Variants in TC2N observed in about 807,000 individuals in gnomAD.
TC2N encodes the protein tandem C2 domains nuclear protein.
TC2N carries 51 observed loss-of-function variants against 61.9 expected under a neutral mutation model. The observed-to-expected ratio is 0.82, with a 90% CI of 0.66 to 1.04. The LOEUF is 1.04. Among genes scored for constraint, TC2N ranks in the 50% least tolerant of loss-of-function variants. TC2N has a pLI of 0.00. For missense variants in TC2N, 556 were observed against 566.7 expected (o/e 0.98, Z 0.19); for synonymous variants, 204 against 192.6 (o/e 1.06, Z -0.49).
chr14:91,827,504 T>C (rs748120752), intron 1 of TC2N, among the ~76,000 whole-genome samples: 2 of 152,302 alleles, frequency 1.3e-5, no homozygotes, highest in Admixed American at 1.3e-4. Flanking sequence ...CCTGCTACCA[T>C]TGTTACATCT....
intron 1 of TC2N, among the ~76,000 whole-genome samples, chr14:91,833,483 ATAAT>A (rs1375310223): frequency 6.6e-6 from 1 of 152,180 alleles, no homozygotes; most frequent in African/African-American, 2.4e-5. Context: ...TTTAAAATGT[ATAAT>A]TAAATGAGTG....
At chr14:91,836,626 A>AAAGCGGGGAG (rs1409549726) in intron 1 of TC2N, 1 of 141,638 alleles carries the variant, frequency 7.1e-6, no homozygotes, top group African/African-American at 2.6e-5. Context: ...GGGGCGAGGC[A>AAAGCGGGGAG]GGGCGGGGCA....
intron 4 of TC2N, among the ~76,000 whole-genome samples, chr14:91,801,481 C>T (rs1192091952): frequency 1.3e-5 from 2 of 152,118 alleles, no homozygotes; most frequent in African/African-American, 2.4e-5. Flanking sequence ...TGGCAAAACC[C>T]CATCTCTACA....
chr14:91,829,333 T>C (rs1566782785), intron 1 of TC2N, among the ~76,000 whole-genome samples: 1 of 152,148 alleles, frequency 6.6e-6, no homozygotes, highest in South Asian at 2.1e-4. Flanking sequence ...CTCACTCTGA[T>C]CACTCTAATT....
At position 91,817,971 on chromosome 14, in the gene TC2N, T is replaced by C. The variant is rs976604481; in HGVS notation, c.-56-4146A>G. Reference sequence around the variant, plus strand: ...TTTATCCTACCACCTGAAAAGCAAATAAAATATATGGAACAGCAATTTTCA... The same window carrying C: ...TTTATCCTACCACCTGAAAAGCAAACAAAATATATGGAACAGCAATTTTCA... On this transcript the variant is annotated intron_variant, in intron 1 of 11. Transcript: ENST00000435962. Among the ~76,000 whole-genome samples the C allele has an allele frequency of 2.0e-5, 3 of 151,738 alleles. No homozygotes were observed. The East Asian group carries it at 5.8e-4, about 29-fold the overall frequency.
chr14:91,843,453 A>T (rs1888202990), intron 1 of TC2N, among the ~76,000 whole-genome samples: 2 of 152,080 alleles, frequency 1.3e-5, no homozygotes. Context: ...TTCACTTGAA[A>T]TTTTCTGTCC....
chr14:91,810,609 C>G (rs995244576), intron 3 of TC2N, among the ~76,000 whole-genome samples: 1 of 151,740 alleles, frequency 6.6e-6, no homozygotes, highest in Admixed American at 6.6e-5. Flanking sequence ...GATCAAGATG[C>G]TGAAATCACC....
intron 1 of TC2N, among the ~76,000 whole-genome samples, chr14:91,814,231 A>G (rs1886906998): frequency 6.6e-6 from 1 of 151,320 alleles, no homozygotes; most frequent in Non-Finnish European, 1.5e-5. Flanking sequence ...AAAGAAAAAA[A>G]GAGAGAAAGA....
intron 1 of TC2N, among the ~76,000 whole-genome samples, chr14:91,818,413 T>A (rs754290730): frequency 1.3e-5 from 2 of 152,118 alleles, no homozygotes; most frequent in African/African-American, 2.4e-5. Context: ...GGGATCAAAT[T>A]GTTTACACAA....
At chr14:91,800,983 T>C (rs1282601463) in intron 4 of TC2N, among the ~76,000 whole-genome samples, 1 of 151,358 alleles carries the variant, frequency 6.6e-6, no homozygotes, top group East Asian at 1.9e-4. Flanking sequence ...CATATATACA[T>C]ATATATACAC....
At position 91,780,519 on chromosome 14, in the gene TC2N, T is replaced by C. The variant is rs2139812733; in HGVS notation, c.*2581A>G. 1 of 152,268 alleles carries C rather than the reference T, an allele frequency of 6.6e-6. No individual in the cohort carries two copies. Among genetic ancestry groups the C allele is most frequent in the South Asian group, 2.1e-4 (1 of 4,830 alleles). The allele number at this position is 152,268 out of a possible 1,614,324, so 9.4% of individuals were successfully genotyped here. The stretch of plus-strand genomic sequence containing the variant: ...AAAATCATGCAAAACAAAAGCCAAA[T>C]AGTGATGTTATATTTTAACCCAGGC... On this transcript the variant is annotated 3_prime_UTR_variant, in exon 12 of 12. Coordinates refer to ENST00000435962, the MANE Select transcript of TC2N (RefSeq NM_001128596.3).
chr14:91,829,112 C>T (rs1379589464), intron 1 of TC2N, among the ~76,000 whole-genome samples: 2 of 149,956 alleles, frequency 1.3e-5, no homozygotes, highest in Non-Finnish European at 3.0e-5. Flanking sequence ...TTCTCTTTGC[C>T]TTTGGTTTTC....
At position 91,802,387 on chromosome 14, in the gene TC2N, TAC is replaced by T; in HGVS notation, c.334_335del (p.Val112ArgfsTer11). ...SARASFGDRK[V>X]ELSSSSQHGP... ...CGTGCTGGGATGAACTGGAAAGTTC[TAC>T]CTTTCGATCTCCAAAAGATGCTCTG... On this transcript the variant is annotated frameshift_variant, in exon 4 of 12. Transcript: ENST00000435962. LOFTEE classifies it high-confidence loss of function. The T allele has an allele frequency of 6.2e-7, 1 of 1,612,756 alleles. No individual in the cohort carries two copies. Among genetic ancestry groups the T allele is most frequent in the Non-Finnish European group, 8.5e-7 (1 of 1,179,554 alleles).
chr14:91,839,824 C>T (rs978320428), intron 1 of TC2N, among the ~76,000 whole-genome samples: 2 of 152,170 alleles, frequency 1.3e-5, no homozygotes, highest in Non-Finnish European at 2.9e-5. Flanking sequence ...GTAACAGGTG[C>T]AGTACTAGGC....
chr14:91,835,561 T>C (rs560867669), intron 1 of TC2N, among the ~76,000 whole-genome samples: 1 of 152,364 alleles, frequency 6.6e-6, no homozygotes, highest in African/African-American at 2.4e-5. Flanking sequence ...CTATCTTGTC[T>C]ATACCCAGAT....
intron 8 of TC2N, among the ~76,000 whole-genome samples, chr14:91,797,012 T>G (rs965082221): frequency 6.6e-6 from 1 of 152,104 alleles, no homozygotes; most frequent in Non-Finnish European, 1.5e-5. Context: ...ATTTCCAGTT[T>G]CAAAGTAGAA....
chr14:91,832,971 A>G (rs531122423), intron 1 of TC2N, among the ~76,000 whole-genome samples: 1 of 152,342 alleles, frequency 6.6e-6, no homozygotes, highest in South Asian at 2.1e-4. Context: ...AAGCCATAGG[A>G]TTCACATAGT....
intron 1 of TC2N, among the ~76,000 whole-genome samples, chr14:91,832,969 G>T (rs1327477699): frequency 1.3e-5 from 2 of 152,130 alleles, no homozygotes; most frequent in African/African-American, 4.8e-5. Flanking sequence ...CAAAGCCATA[G>T]GATTCACATA....
At chr14:91,848,461 A>C (rs1367333536) in intron 1 of TC2N, among the ~76,000 whole-genome samples, 1 of 152,086 alleles carries the variant, frequency 6.6e-6, no homozygotes, top group South Asian at 2.1e-4. Flanking sequence ...CATTTTTGTT[A>C]CCTGTCTTAC....
Sources: allele counts gnomAD v4.1 joint callset (sites outside exome capture counted in the v4.1 genomes callset), GRCh38; gene constraint gnomAD v4.1.1; transcripts MANE v1.5; gene names NCBI Gene and HGNC (gene_info 2026-07-23, HGNC 2026-07-21).